Variants in STK39 observed in about 807,000 individuals in gnomAD.
STK39 encodes the protein serine/threonine kinase 39.
A neutral mutation model predicts 77.8 loss-of-function variants in STK39; 20 were observed. The observed-to-expected ratio is 0.26, with a 90% CI of 0.18 to 0.37. The LOEUF (loss-of-function observed/expected upper bound fraction) is 0.37, where lower values mean the gene tolerates loss of function less well. STK39 is among the 10% of genes least tolerant of loss of function. STK39 has a pLI of 1.00. For synonymous variants in STK39, 246 were observed against 234.1 expected (o/e 1.05, Z -0.47); for missense variants, 479 against 656.5 (o/e 0.73, Z 2.95).
chr2:167,988,519 G>A (rs1486697978), intron 16 of STK39, among the ~76,000 whole-genome samples: 1 of 152,004 alleles, frequency 6.6e-6, no homozygotes, highest in African/African-American at 2.4e-5. Context: ...TTTGACAGCT[G>A]GTCCCAGTTA....
In STK39 at chr2:168,247,540, CCCGCCCG is replaced by C; in HGVS notation, c.-112_-106del. 1.1e-6 allele frequency: 1 copy of C among 949,892 alleles called. No individual in the cohort carries two copies. Among genetic ancestry groups the C allele is most frequent in the South Asian group, 3.3e-5 (1 of 30,764 alleles). The allele number at this position is 949,892 out of a possible 1,614,324, so 58.8% of individuals were successfully genotyped here. On this transcript the variant is annotated 5_prime_UTR_variant, in exon 1 of 18. Transcript: ENST00000355999. ...CACCTCTCGGCCGGCGCACGCCCTC[CCCGCCCG>C]CCGCCGCCGCCGCCGTCCCCGCCGA...
intron 5 of STK39, among the ~76,000 whole-genome samples, chr2:168,155,602 T>G (rs1688406685): frequency 7.4e-6 from 1 of 134,422 alleles, no homozygotes; most frequent in African/African-American, 3.2e-5. Flanking sequence ...ATGTGTATTC[T>G]ATTTTCTGAG....
chr2:168,103,651 CTT>C (rs903792067), intron 10 of STK39, among the ~76,000 whole-genome samples: 1 of 152,184 alleles, frequency 6.6e-6, no homozygotes, highest in Admixed American at 6.5e-5. Context: ...TAGACTATCT[CTT>C]TAACATTTTT....
intron 14 of STK39, among the ~76,000 whole-genome samples, chr2:168,049,447 T>G (rs1382593859): frequency 6.6e-6 from 1 of 152,216 alleles, no homozygotes; most frequent in Non-Finnish European, 1.5e-5. Context: ...TTTCTGGACT[T>G]TTCTTTCATT....
At chr2:168,099,717 G>A (rs1307133432) in intron 10 of STK39, among the ~76,000 whole-genome samples, 1 of 152,170 alleles carries the variant, frequency 6.6e-6, no homozygotes, top group Non-Finnish European at 1.5e-5. Context: ...GAGAATACCA[G>A]GTTGATACTG....
intron 14 of STK39, among the ~76,000 whole-genome samples, chr2:168,054,500 C>A (rs1368819817): frequency 6.6e-6 from 1 of 152,148 alleles, no homozygotes; most frequent in Admixed American, 6.5e-5. Flanking sequence ...ACTAATAAAG[C>A]CAAGATATGC....
At chr2:167,987,527 T>C (rs529379859) in intron 16 of STK39, among the ~76,000 whole-genome samples, 8 of 152,296 alleles carry the variant, frequency 5.3e-5, no homozygotes, top group African/African-American at 1.9e-4. Context: ...ACTGATGTAT[T>C]CTGTTCATGG....
rs1691713400 is a variant in STK39 at position 167,954,420 on chromosome 2, C to T, written c.*1076G>A. 6.6e-6 allele frequency: 1 copy of T among 152,602 alleles called. No homozygotes were observed. Among genetic ancestry groups the T allele is most frequent in the Non-Finnish European group, 1.5e-5 (1 of 68,020 alleles). The allele number at this position is 152,602 out of a possible 1,614,324, so 9.5% of individuals were successfully genotyped here. On this transcript the variant is annotated 3_prime_UTR_variant, in exon 18 of 18. Transcript: ENST00000355999. Reference sequence around the variant, plus strand: ...TTTACCTTTTAGTCATTGCACAAAACCCTTCCAATTTTCACTCCACCTGGG... The same window carrying T: ...TTTACCTTTTAGTCATTGCACAAAATCCTTCCAATTTTCACTCCACCTGGG...
chr2:168,187,347 T>A (rs1324573088), intron 1 of STK39, among the ~76,000 whole-genome samples: 1 of 12,232 alleles, frequency 8.2e-5, no homozygotes, highest in Non-Finnish European at 1.9e-4. Context: ...TGAGACTCCA[T>A]CTCAAAAAAA....
intron 5 of STK39, among the ~76,000 whole-genome samples, chr2:168,141,252 C>T (rs1208005416): frequency 2.0e-5 from 3 of 152,034 alleles, no homozygotes; most frequent in South Asian, 2.1e-4. Context: ...ATTGAGCATC[C>T]GGAAATGCTT....
chr2:168,173,794 C>G (rs1166117457), intron 2 of STK39, among the ~76,000 whole-genome samples: 1 of 152,158 alleles, frequency 6.6e-6, no homozygotes, highest in African/African-American at 2.4e-5. Flanking sequence ...GGTGATCCAC[C>G]TGCCTCAGCC....
At chr2:168,215,718 A>T (rs1690008790) in intron 1 of STK39, among the ~76,000 whole-genome samples, 1 of 152,238 alleles carries the variant, frequency 6.6e-6, no homozygotes, top group Admixed American at 6.5e-5. Context: ...GTAAAGGAAC[A>T]GCAGCTGGAA....
At chr2:168,135,720 A>AT (rs1189381712) in intron 8 of STK39, among the ~76,000 whole-genome samples, 9 of 152,250 alleles carry the variant, frequency 5.9e-5, no homozygotes, top group Admixed American at 1.3e-4. Flanking sequence ...CATTGCATAG[A>AT]TTTTTCCCCC....
At chr2:168,191,559 A>T (rs1689341036) in intron 1 of STK39, among the ~76,000 whole-genome samples, 2 of 152,190 alleles carry the variant, frequency 1.3e-5, no homozygotes, top group Admixed American at 1.3e-4. Flanking sequence ...GCAGATTCTT[A>T]ACCCTATATC....
chr2:168,137,179 G>T (rs1687861555), intron 8 of STK39, among the ~76,000 whole-genome samples: 1 of 152,204 alleles, frequency 6.6e-6, no homozygotes, highest in Non-Finnish European at 1.5e-5. Flanking sequence ...ATTTCTAACA[G>T]CAGAGTCCTT....
intron 16 of STK39, among the ~76,000 whole-genome samples, chr2:167,970,004 T>C (rs1692285246): frequency 6.6e-6 from 1 of 152,176 alleles, no homozygotes; most frequent in Non-Finnish European, 1.5e-5. Context: ...ATGCTGACCC[T>C]GGAGCATTCA....
chr2:168,145,998 T>C (rs892256438), intron 5 of STK39, among the ~76,000 whole-genome samples: 6 of 152,192 alleles, frequency 3.9e-5, no homozygotes, highest in African/African-American at 1.4e-4. Flanking sequence ...ATTTTAGATA[T>C]ACTCCTTACT....
chr2:167,985,195 T>C (rs16854452), intron 16 of STK39, among the ~76,000 whole-genome samples: 7,680 of 152,310 alleles, frequency 0.05, 696 homozygotes, highest in African/African-American at 0.17. Context: ...AGAAATACTT[T>C]ATCAGGGAAT....
chr2:168,165,546 T>C (rs1042147196), intron 3 of STK39, among the ~76,000 whole-genome samples: 1 of 152,146 alleles, frequency 6.6e-6, no homozygotes, highest in Admixed American at 6.6e-5. Context: ...CACTCAATAC[T>C]GCAGTCCAGC....
Sources: allele counts gnomAD v4.1 joint callset (sites outside exome capture counted in the v4.1 genomes callset), GRCh38; gene constraint gnomAD v4.1.1; transcripts MANE v1.5; gene names NCBI Gene and HGNC (gene_info 2026-07-23, HGNC 2026-07-21).